HS3ST5: variants seen among roughly 807,000 people sequenced by gnomAD.
The protein encoded by HS3ST5 is heparan sulfate glucosamine 3-O-sulfotransferase 5.
Under a neutral mutation model 25.4 loss-of-function variants are expected in HS3ST5, and 10 were observed. The observed-to-expected ratio is 0.39, with a 90% CI of 0.24 to 0.67. HS3ST5 has a LOEUF of 0.67. Ranked by LOEUF, HS3ST5 falls within the 30% of genes least tolerant of loss-of-function variation. The pLI is 0.44. For missense variants in HS3ST5, 324 were observed against 420.7 expected, an observed-to-expected ratio of 0.77 and a Z score of 2.01; for synonymous variants, 170 against 162.4, an observed-to-expected ratio of 1.05 and a Z score of -0.36.
chr6:114,087,200 A>T (rs1232791100), intron 3 of HS3ST5, among the ~76,000 whole-genome samples: 1 of 152,152 alleles, frequency 6.6e-6, no homozygotes, highest in Non-Finnish European at 1.5e-5. Context: ...CATTTCTGAT[A>T]AATGTCCACA....
chr6:114,330,633 G>C (rs370322296), intron 1 of HS3ST5, among the ~76,000 whole-genome samples: 51 of 152,242 alleles, frequency 3.3e-4, no homozygotes, highest in African/African-American at 1.2e-3. Flanking sequence ...GCTCACAGAG[G>C]TCCCTATTTT....
intron 1 of HS3ST5, among the ~76,000 whole-genome samples, chr6:114,271,617 C>T (rs1197532387): frequency 1.3e-5 from 2 of 152,006 alleles, no homozygotes; most frequent in East Asian, 1.9e-4. Flanking sequence ...AGTATCTCTT[C>T]CCTTACAATT....
At chr6:114,090,781 G>C (rs1183712987) in intron 3 of HS3ST5, among the ~76,000 whole-genome samples, 2 of 152,168 alleles carry the variant, frequency 1.3e-5, no homozygotes, top group Non-Finnish European at 2.9e-5. Context: ...CCTATTAAAT[G>C]AACAAGAAGT....
chr6:114,335,607 T>G (rs1270391715), intron 1 of HS3ST5, among the ~76,000 whole-genome samples: 1 of 152,100 alleles, frequency 6.6e-6, no homozygotes, highest in East Asian at 1.9e-4. Flanking sequence ...AAGCGAGGCC[T>G]TGCAAATAAG....
chr6:114,336,048 C>T (rs1353202445), intron 1 of HS3ST5, among the ~76,000 whole-genome samples: 1 of 152,156 alleles, frequency 6.6e-6, no homozygotes. Flanking sequence ...ATTCTTTCTT[C>T]ATACACTTCC....
intron 1 of HS3ST5, among the ~76,000 whole-genome samples, chr6:114,289,766 T>A (rs1036067667): frequency 3.3e-5 from 5 of 152,126 alleles, no homozygotes; most frequent in African/African-American, 1.2e-4. Flanking sequence ...TCATAATCAT[T>A]ACCTAAGGGA....
chr6:114,339,561 C>T (rs12190227), intron 1 of HS3ST5, among the ~76,000 whole-genome samples: 22,502 of 151,930 alleles, frequency 0.15, 1,755 homozygotes, highest in Middle Eastern at 0.18. Context: ...TCTATGAATG[C>T]GAATTCACTT....
intron 1 of HS3ST5, among the ~76,000 whole-genome samples, chr6:114,304,219 T>G (rs1368968351): frequency 2.0e-5 from 3 of 152,178 alleles, no homozygotes; most frequent in African/African-American, 7.2e-5. Flanking sequence ...AGATAATGAA[T>G]TCTTTCTATA....
At chr6:114,141,935 G>A (rs1777925721) in intron 3 of HS3ST5, among the ~76,000 whole-genome samples, 1 of 147,882 alleles carries the variant, frequency 6.8e-6, no homozygotes, top group South Asian at 2.2e-4. Flanking sequence ...CATGCGAATG[G>A]CTCTCAGATC....
At chr6:114,338,138 T>A (rs991810579) in intron 1 of HS3ST5, among the ~76,000 whole-genome samples, 3 of 152,032 alleles carry the variant, frequency 2.0e-5, no homozygotes, top group African/African-American at 7.2e-5. Flanking sequence ...ATCAAACTAG[T>A]AGAGCATTTA....
chr6:114,174,717 G>A (rs955980772), intron 2 of HS3ST5, among the ~76,000 whole-genome samples: 17 of 152,050 alleles, frequency 1.1e-4, no homozygotes, highest in East Asian at 1.9e-4. Flanking sequence ...AATGCAGGCC[G>A]GGCACGGTGG....
At chr6:114,189,981 A>C (rs1368298971) in intron 2 of HS3ST5, among the ~76,000 whole-genome samples, 1 of 152,192 alleles carries the variant, frequency 6.6e-6, no homozygotes, top group African/African-American at 2.4e-5. Context: ...AAACTGATTG[A>C]GTATCCTTCC....
chr6:114,112,308 G>A (rs1322786922), intron 3 of HS3ST5: 1 of 152,380 alleles, frequency 6.6e-6, no homozygotes, highest in Non-Finnish European at 1.5e-5. Context: ...GAGAAGCAGA[G>A]GTATGGCAGC....
chr6:114,227,611 A>G (rs903969686), intron 2 of HS3ST5, among the ~76,000 whole-genome samples: 11 of 152,088 alleles, frequency 7.2e-5, no homozygotes, highest in Non-Finnish European at 1.6e-4. Flanking sequence ...AATGTATCAC[A>G]TGATTTATAA....
chr6:114,317,863 C>T (rs780300700), intron 1 of HS3ST5, among the ~76,000 whole-genome samples: 9 of 151,986 alleles, frequency 5.9e-5, no homozygotes, highest in African/African-American at 1.9e-4. Flanking sequence ...GGGTGGCTAG[C>T]GATCTGACTA....
At chr6:114,254,761 C>T (rs1490205367) in intron 1 of HS3ST5, among the ~76,000 whole-genome samples, 2 of 152,122 alleles carry the variant, frequency 1.3e-5, no homozygotes, top group Non-Finnish European at 2.9e-5. Flanking sequence ...ATAAAACCAT[C>T]AGATCTCATG....
intron 1 of HS3ST5, among the ~76,000 whole-genome samples, chr6:114,271,662 TC>T (rs996951930): frequency 3.9e-5 from 6 of 152,086 alleles, no homozygotes; most frequent in African/African-American, 1.4e-4. Context: ...CTCAATTTTA[TC>T]CCCTCATTGC....
In HS3ST5 at chr6:114,209,778, AAGG is replaced by A. The variant is rs551345941; in HGVS notation, c.-145+18804_-145+18806del. Among the ~76,000 whole-genome samples the A allele has an allele frequency of 2.8e-3, 422 of 152,268 alleles. 3 individuals carry two copies. The highest frequency in any genetic ancestry group is 9.9e-3 in the African/African-American group (412 of 41,556). ...AGAAGGGGGAAAAAAGAAATGGGAGAAGGAGGAGAGGGAAGAAAGGGAGTGAAA... is the reference window on the plus strand; with the variant it reads ...AGAAGGGGGAAAAAAGAAATGGGAGAAGGAGAGGGAAGAAAGGGAGTGAAA... On this transcript the variant is annotated intron_variant, in intron 2 of 4. Transcript: ENST00000312719.
At chr6:114,228,196 A>C (rs1771399835) in intron 2 of HS3ST5, among the ~76,000 whole-genome samples, 1 of 152,136 alleles carries the variant, frequency 6.6e-6, no homozygotes, top group Admixed American at 6.6e-5. Flanking sequence ...CTTACGACAC[A>C]TCCCATTCCT....
Sources: gnomAD v4.1 joint callset for allele counts (sites outside exome capture counted in the v4.1 genomes callset) on GRCh38, gnomAD v4.1.1 for gene constraint, MANE v1.5 for transcripts, NCBI Gene and HGNC (gene_info 2026-07-23, HGNC 2026-07-21) for gene names.